The following NKAIN3 variants were observed in gnomAD, a reference collection of about 807,000 sequenced individuals.
The protein encoded by NKAIN3 is sodium/potassium transporting ATPase interacting 3, also known as sodium/potassium-transporting ATPase subunit beta-1-interacting protein 3.
Under a neutral mutation model 30.2 loss-of-function variants are expected in NKAIN3, and 25 were observed. That is an observed-to-expected ratio of 0.83 (90% confidence interval 0.60 to 1.16). NKAIN3 has a LOEUF of 1.16. Among genes scored for constraint, NKAIN3 ranks in the 50% most tolerant of loss-of-function variants. The probability of loss-of-function intolerance (pLI) is 0.00; values close to 1 mark genes in which losing one functional copy is unlikely to be tolerated. For missense variants in NKAIN3, 225 were observed against 254.1 expected, an observed-to-expected ratio of 0.89 and a Z score of 0.78; for synonymous variants, 91 against 89.6, an observed-to-expected ratio of 1.02 and a Z score of -0.09.
intron 1 of NKAIN3, chr8:62,482,716 G>A (rs1483123171): frequency 3.3e-5 from 5 of 152,218 alleles, no homozygotes; most frequent in Admixed American, 6.5e-5. Context: ...CCCTCCCTTC[G>A]GGGTCACCGC....
intron 1 of NKAIN3, among the ~76,000 whole-genome samples, chr8:62,299,433 T>A (rs963014379): frequency 6.6e-6 from 1 of 152,106 alleles, no homozygotes; most frequent in Non-Finnish European, 1.5e-5. Flanking sequence ...TTGGAAATGC[T>A]TATTCCCTGT....
chr8:62,659,677 C>T (rs987317030), intron 3 of NKAIN3, among the ~76,000 whole-genome samples: 1 of 152,116 alleles, frequency 6.6e-6, no homozygotes, highest in African/African-American at 2.4e-5. Context: ...TTTGACCATG[C>T]ACTTGGTTGC....
At chr8:62,412,922 CAAAAAAAAAAAAA>C (rs1206501322) in intron 1 of NKAIN3, among the ~76,000 whole-genome samples, 7 of 79,528 alleles carry the variant, frequency 8.8e-5, no homozygotes, top group African/African-American at 3.7e-4. Flanking sequence ...AAAAAAAAAA[CAAAAAAAAAAAAA>C]CAGCAAAACA....
chr8:62,277,552 G>A (rs1448438990), intron 1 of NKAIN3, among the ~76,000 whole-genome samples: 4 of 151,866 alleles, frequency 2.6e-5, no homozygotes, highest in African/African-American at 9.7e-5. Context: ...TAGCTTGTGT[G>A]GTATGAAAAT....
At chr8:62,667,373 AT>A (rs1199922116) in intron 3 of NKAIN3, among the ~76,000 whole-genome samples, 16 of 145,546 alleles carry the variant, frequency 1.1e-4, no homozygotes, top group Non-Finnish European at 1.2e-4. Flanking sequence ...ATATATATAT[AT>A]AAATATATAT....
intron 1 of NKAIN3, among the ~76,000 whole-genome samples, chr8:62,286,501 A>C (rs1263894612): frequency 5.3e-5 from 8 of 152,158 alleles, no homozygotes; most frequent in Non-Finnish European, 7.4e-5. Context: ...GTTGTCTAGG[A>C]ATCCTCTGTT....
chr8:62,902,016 G>C (rs1448469901), intron 4 of NKAIN3, among the ~76,000 whole-genome samples: 3 of 152,196 alleles, frequency 2.0e-5, no homozygotes, highest in Non-Finnish European at 4.4e-5. Flanking sequence ...ATGTCAGTCT[G>C]TATGCCCAGA....
intron 3 of NKAIN3, among the ~76,000 whole-genome samples, chr8:62,727,219 T>C (rs1815286602): frequency 6.6e-6 from 1 of 152,080 alleles, no homozygotes; most frequent in Non-Finnish European, 1.5e-5. Context: ...TAAAAACATG[T>C]ACAAAAACTC....
At chr8:62,864,254 C>T (rs1019095449) in intron 4 of NKAIN3, 1 of 939,370 alleles carries the variant, frequency 1.1e-6, no homozygotes, top group East Asian at 2.4e-5. Context: ...AGGAGGCGGC[C>T]GAGGCAGACG....
At chr8:62,904,938 C>G (rs1225277212) in intron 4 of NKAIN3, among the ~76,000 whole-genome samples, 2 of 151,998 alleles carry the variant, frequency 1.3e-5, no homozygotes, top group Admixed American at 1.3e-4. Context: ...CCTGATGGAG[C>G]TGGGGCAGGA....
At chr8:62,990,507 C>T in intron 5 of NKAIN3, 1 of 412,048 alleles carries the variant, frequency 2.4e-6, no homozygotes, top group Non-Finnish European at 3.5e-6. Flanking sequence ...CCTGGAATTT[C>T]CACTAAATTC....
At chr8:62,472,971 G>T (rs544730682) in intron 1 of NKAIN3, among the ~76,000 whole-genome samples, 1 of 152,178 alleles carries the variant, frequency 6.6e-6, no homozygotes, top group Admixed American at 6.5e-5. Flanking sequence ...GCTCTGCAAG[G>T]CTGTCTTGTG....
chr8:62,783,605 C>CTTTT lies in NKAIN3; in HGVS notation c.471+36493_471+36496dup, dbSNP rs386412917. 8.8e-4 allele frequency among the ~76,000 whole-genome samples: 107 copies of CTTTT among 121,408 alleles called. 1 individual carries two copies. The highest frequency in any genetic ancestry group is 1.0e-3 in the Admixed American group (11 of 10,858). 79.6% of individuals were successfully genotyped at this position (121,408 alleles called of 152,430 possible). A position where few individuals can be genotyped will look rare whatever the true frequency, so the allele number is the denominator to read the frequency against. On this transcript the variant is annotated intron_variant, in intron 4 of 6. Transcript: ENST00000623646. Reference sequence around the variant, plus strand: ...TTAACAGCAGAAACAGCAGAATACACTTTTTTTTTTTTTTTTTTTTGAGAC... The same window carrying CTTTT: ...TTAACAGCAGAAACAGCAGAATACACTTTTTTTTTTTTTTTTTTTTTTTTGAGAC...
At chr8:62,456,585 G>A (rs1190110568) in intron 1 of NKAIN3, among the ~76,000 whole-genome samples, 1 of 152,014 alleles carries the variant, frequency 6.6e-6, no homozygotes, top group South Asian at 2.1e-4. Context: ...TTCCTGATAT[G>A]TATCTGAAGT....
chr8:62,533,082 GATAC>G (rs531594449), intron 1 of NKAIN3, among the ~76,000 whole-genome samples: 209 of 152,152 alleles, frequency 1.4e-3, no homozygotes, highest in African/African-American at 4.8e-3. Flanking sequence ...AAATAAATCA[GATAC>G]ATACATAAAA....
chr8:62,298,952 G>A (rs1184960224), intron 1 of NKAIN3, among the ~76,000 whole-genome samples: 1 of 151,366 alleles, frequency 6.6e-6, no homozygotes, highest in Non-Finnish European at 1.5e-5. Flanking sequence ...TACAATGCAA[G>A]ATCCCTATCA....
chr8:62,955,735 G>A (rs899542713), intron 6 of NKAIN3, among the ~76,000 whole-genome samples: 2 of 152,174 alleles, frequency 1.3e-5, no homozygotes, highest in Admixed American at 1.3e-4. Flanking sequence ...CCAGAGGCAA[G>A]TGACTTCCAC....
chr8:62,799,798 T>A lies in NKAIN3; in HGVS notation c.471+52669T>A, dbSNP rs533964555. On this transcript the variant is annotated intron_variant, in intron 4 of 6. Coordinates refer to ENST00000623646, the MANE Select transcript of NKAIN3 (RefSeq NM_001304533.3). ...TGCAAAACTATGGAATCAGCCCAAATGCCCATCAATCCACCAACGAGTGGA... is the reference window on the plus strand; with the variant it reads ...TGCAAAACTATGGAATCAGCCCAAAAGCCCATCAATCCACCAACGAGTGGA... Among the ~76,000 whole-genome samples the A allele has an allele frequency of 5.3e-5, 8 of 152,270 alleles. No individual in the cohort carries two copies. In the South Asian group the frequency reaches 1.5e-3, roughly 28 times the overall value.
At chr8:62,353,621 A>G (rs535395779) in intron 1 of NKAIN3, among the ~76,000 whole-genome samples, 32 of 152,308 alleles carry the variant, frequency 2.1e-4, no homozygotes, top group Middle Eastern at 3.4e-3. Context: ...GGAAGGCAGT[A>G]ATTGATAATG....
Sources: gnomAD v4.1 joint callset for allele counts (sites outside exome capture counted in the v4.1 genomes callset) on GRCh38, gnomAD v4.1.1 for gene constraint, MANE v1.5 for transcripts, NCBI Gene and HGNC (gene_info 2026-07-23, HGNC 2026-07-21) for gene names.